Variants in FNBP1 observed in about 807,000 individuals in gnomAD.
FNBP1 encodes formin-binding protein 1.
In FNBP1, 26 loss-of-function variants were observed where a neutral mutation model predicts 90.6. That is an observed-to-expected ratio of 0.29 (90% confidence interval 0.21 to 0.40). The LOEUF is 0.40. FNBP1 is among the 10% of genes least tolerant of loss of function. The pLI, the probability that FNBP1 is intolerant of heterozygous loss-of-function variation, is 1.00. For synonymous variants in FNBP1, 260 were observed against 265.2 expected, an observed-to-expected ratio of 0.98 and a Z score of 0.19; for missense variants, 635 against 768.0, an observed-to-expected ratio of 0.83 and a Z score of 2.05.
intron 10 of FNBP1, among the ~76,000 whole-genome samples, chr9:129,918,785 A>C (rs1206159589): frequency 6.6e-6 from 1 of 152,018 alleles, no homozygotes; most frequent in Non-Finnish European, 1.5e-5. Flanking sequence ...TTATGCGTGA[A>C]ATTCTGCGGT....
chr9:129,913,052 A>G (rs568010497), intron 11 of FNBP1, among the ~76,000 whole-genome samples: 2 of 152,006 alleles, frequency 1.3e-5, no homozygotes, highest in African/African-American at 4.8e-5. Flanking sequence ...CCCTGTCTCT[A>G]CAAAAATTAG....
chr9:130,031,765 G>A lies in FNBP1; in HGVS notation c.24+11187C>T, dbSNP rs1177434467. 1.3e-5 allele frequency among the ~76,000 whole-genome samples: 2 copies of A among 151,732 alleles called. No homozygotes were observed. Among genetic ancestry groups the A allele is most frequent in the African/African-American group, 2.4e-5 (1 of 41,348 alleles). On this transcript the variant is annotated intron_variant, in intron 1 of 16. Coordinates refer to ENST00000446176, the MANE Select transcript of FNBP1 (RefSeq NM_015033.3). The surrounding 1 kb of genome is among the most constrained non-coding windows in gnomAD (Gnocchi z 4.2). The stretch of plus-strand genomic sequence containing the variant: ...CAACATCCACCTCCTAGATTCAAGC[G>A]ATTCTCCTGCCTCAGCCTCCCGAGT...
At chr9:129,953,512 A>AATAC (rs1276385423) in intron 6 of FNBP1, among the ~76,000 whole-genome samples, 2 of 152,186 alleles carry the variant, frequency 1.3e-5, no homozygotes, top group South Asian at 4.1e-4. Flanking sequence ...TAAATAAATA[A>AATAC]ATAAATAAAT....
intron 6 of FNBP1, among the ~76,000 whole-genome samples, chr9:129,945,643 C>T (rs1478364881): frequency 6.6e-6 from 1 of 152,234 alleles, no homozygotes; most frequent in Non-Finnish European, 1.5e-5. Context: ...ACGCAGCTGG[C>T]TTCACTTAGA....
At chr9:129,899,377 C>T (rs770935972) in intron 15 of FNBP1, among the ~76,000 whole-genome samples, 8 of 151,882 alleles carry the variant, frequency 5.3e-5, no homozygotes, top group Admixed American at 2.0e-4. Flanking sequence ...CATGCCCGGC[C>T]AGATCTGGAA....
intron 1 of FNBP1, among the ~76,000 whole-genome samples, chr9:130,032,062 A>C (rs1219367966): frequency 6.6e-6 from 1 of 152,214 alleles, no homozygotes; most frequent in African/African-American, 2.4e-5. Context: ...TGGCCGTAAC[A>C]AGAACTAAAC....
chr9:130,043,058 G>A lies in FNBP1; in HGVS notation c.-83C>T. ...CCCCGGCGATCCCTTTGCCCCCCGA[G>A]ATCCCCGCGACGGCGGAAAGCCCGG... On this transcript the variant is annotated 5_prime_UTR_variant, in exon 1 of 17. Transcript: ENST00000446176. 3 of 1,191,464 alleles carry A rather than the reference G, an allele frequency of 2.5e-6. No homozygotes were observed. Among genetic ancestry groups the A allele is most frequent in the Non-Finnish European group, 3.1e-6 (3 of 953,652 alleles). The allele number at this position is 1,191,464 out of a possible 1,614,324, so 73.8% of individuals were successfully genotyped here.
At chr9:129,926,980 T>C (rs1327166935) in intron 8 of FNBP1, among the ~76,000 whole-genome samples, 2 of 152,022 alleles carry the variant, frequency 1.3e-5, no homozygotes, top group Non-Finnish European at 2.9e-5. Flanking sequence ...CAGGAAATAC[T>C]TCAATTCAAT....
chr9:129,896,133 G>T, intron 15 of FNBP1, 137 bp from the exon 16 acceptor site: 1 of 807,580 alleles, frequency 1.2e-6, no homozygotes, highest in Non-Finnish European at 1.9e-6. Context: ...CTTCTCAGAT[G>T]CACGGACCCC....
intron 11 of FNBP1, among the ~76,000 whole-genome samples, chr9:129,911,913 C>T (rs1465519963): frequency 3.8e-5 from 5 of 133,272 alleles, no homozygotes; most frequent in East Asian, 4.2e-4. Flanking sequence ...GCCTGGGCGA[C>T]GGGCGAGATT....
intron 1 of FNBP1, among the ~76,000 whole-genome samples, chr9:130,007,258 G>GAA (rs61548228): frequency 1.6e-5 from 1 of 64,340 alleles, no homozygotes; most frequent in Non-Finnish European, 3.5e-5. Context: ...AAAAAAAAAA[G>GAA]AAAAAAAAAA....
At chr9:129,961,594 G>A (rs1268223473) in intron 4 of FNBP1, among the ~76,000 whole-genome samples, 1 of 152,068 alleles carries the variant, frequency 6.6e-6, no homozygotes, top group Non-Finnish European at 1.5e-5. Context: ...TTGAGACGGA[G>A]TCTTGTTCCG....
intron 2 of FNBP1, among the ~76,000 whole-genome samples, chr9:129,988,548 G>A (rs2052647173): frequency 6.6e-6 from 1 of 152,056 alleles, no homozygotes; most frequent in Non-Finnish European, 1.5e-5. Flanking sequence ...ATGGTGGTGT[G>A]CGCCTGTAGT....
At chr9:129,955,992 T>G (rs2046884824) in intron 6 of FNBP1, among the ~76,000 whole-genome samples, 1 of 152,012 alleles carries the variant, frequency 6.6e-6, no homozygotes, top group Admixed American at 6.6e-5. Context: ...ATTAATGTCT[T>G]TTGGTAAAGT....
chr9:129,957,019 GAC>G lies in FNBP1; in HGVS notation c.513+339_513+340del, dbSNP rs1296808242. 1.4e-5 allele frequency among the ~76,000 whole-genome samples: 2 copies of G among 147,120 alleles called. No individual in the cohort carries two copies. Among genetic ancestry groups the G allele is most frequent in the African/African-American group, 5.0e-5 (2 of 40,124 alleles). ...ATGAACACTCACAGGGGAAATGAAA[GAC>G]ACACTTGAGCTTTCTTTTGTCTTTT... is the stretch of plus-strand genomic sequence containing the variant. On this transcript the variant is annotated intron_variant, in intron 6 of 16. Coordinates refer to ENST00000446176, the MANE Select transcript of FNBP1 (RefSeq NM_015033.3). This position sits in a 1 kb window ranked among gnomAD's most constrained non-coding sequence, Gnocchi z 4.3.
intron 12 of FNBP1, among the ~76,000 whole-genome samples, chr9:129,906,755 A>G (rs187436070): frequency 2.0e-5 from 3 of 152,254 alleles, no homozygotes; most frequent in Non-Finnish European, 4.4e-5. Context: ...TACTAAATGT[A>G]TAATTTAAGT....
chr9:129,957,087 G>C lies in FNBP1; in HGVS notation c.513+273C>G, dbSNP rs1467805027. 6.6e-6 allele frequency among the ~76,000 whole-genome samples: 1 copy of C among 151,142 alleles called. No individual in the cohort carries two copies. The highest frequency in any genetic ancestry group is 2.4e-5 in the African/African-American group (1 of 41,080). On this transcript the variant is annotated intron_variant, in intron 6 of 16. Coordinates refer to ENST00000446176, the MANE Select transcript of FNBP1 (RefSeq NM_015033.3). The surrounding 1 kb of genome is among the most constrained non-coding windows in gnomAD (Gnocchi z 4.3). Reference sequence around the variant, plus strand: ...AGTTTCGCTCTTGTTACCCAGGCTGGAGTGCAGTGGCGTGATCTTGGCTCA... The same window carrying C: ...AGTTTCGCTCTTGTTACCCAGGCTGCAGTGCAGTGGCGTGATCTTGGCTCA...
chr9:129,946,494 T>G (rs1293581732), intron 6 of FNBP1, among the ~76,000 whole-genome samples: 1 of 152,182 alleles, frequency 6.6e-6, no homozygotes, highest in Non-Finnish European at 1.5e-5. Flanking sequence ...TCTCGCACTG[T>G]ATAGAGAGCT....
At chr9:129,908,204 CTTTTTT>C (rs60610339) in intron 12 of FNBP1, among the ~76,000 whole-genome samples, 7 of 131,072 alleles carry the variant, frequency 5.3e-5, no homozygotes, top group Non-Finnish European at 9.8e-5. Context: ...GTCTCTCTCT[CTTTTTT>C]TTTTTTTTTT....
Sources: allele counts gnomAD v4.1 joint callset (sites outside exome capture counted in the v4.1 genomes callset), GRCh38; gene constraint gnomAD v4.1.1; non-coding constraint Gnocchi (gnomAD v3.1); transcripts MANE v1.5; gene names NCBI Gene and HGNC (gene_info 2026-07-23, HGNC 2026-07-21).